LUZP2: variants seen among roughly 807,000 people sequenced by gnomAD.
LUZP2 encodes the protein leucine zipper protein 2.
LUZP2 carries 52 observed loss-of-function variants against 51.6 expected under a neutral mutation model. The ratio of observed to expected loss-of-function variants is 1.01; its 90% CI spans 0.81 to 1.27. The LOEUF (loss-of-function observed/expected upper bound fraction) is 1.27, where lower values mean the gene tolerates loss of function less well. Among genes scored for constraint, LUZP2 ranks in the 50% most tolerant of loss-of-function variants. LUZP2 has a pLI of 0.00. For synonymous variants in LUZP2, 154 were observed against 137.3 expected, an observed-to-expected ratio of 1.12 and a Z score of -0.85; for missense variants, 436 against 395.4, an observed-to-expected ratio of 1.10 and a Z score of -0.87.
intron 1 of LUZP2, among the ~76,000 whole-genome samples, chr11:24,595,905 T>C (rs1373713219): frequency 6.6e-6 from 1 of 152,216 alleles, no homozygotes; most frequent in Admixed American, 6.5e-5. Context: ...TGGAGTCAAT[T>C]TGATAAGTTT....
intron 1 of LUZP2, among the ~76,000 whole-genome samples, chr11:24,566,312 TG>T: frequency 8.4e-6 from 1 of 118,750 alleles, no homozygotes; most frequent in Admixed American, 1.0e-4. Context: ...ATTTATTTAT[TG>T]TATTATTTAT....
intron 5 of LUZP2, among the ~76,000 whole-genome samples, chr11:24,772,225 A>G (rs11028161): frequency 0.08 from 12,206 of 152,252 alleles, 1,061 homozygotes; most frequent in African/African-American, 0.22. Flanking sequence ...GATCTAGGGA[A>G]AACTCTAAAT....
At chr11:24,527,510 CAA>C (rs1271288823) in intron 1 of LUZP2, among the ~76,000 whole-genome samples, 1 of 150,520 alleles carries the variant, frequency 6.6e-6, no homozygotes, top group East Asian at 1.9e-4. Context: ...TTAATGCTAA[CAA>C]AAGTGTGAGA....
intron 1 of LUZP2, among the ~76,000 whole-genome samples, chr11:24,512,865 T>G (rs1054122123): frequency 1.3e-5 from 2 of 151,922 alleles, no homozygotes; most frequent in Non-Finnish European, 2.9e-5. Context: ...TTCTCCTGCC[T>G]CAGCCCCCCG....
intron 7 of LUZP2, among the ~76,000 whole-genome samples, chr11:24,917,419 T>A (rs1727280568): frequency 6.6e-6 from 1 of 152,200 alleles, no homozygotes; most frequent in Non-Finnish European, 1.5e-5. Flanking sequence ...CATGCCTATG[T>A]CCTGAATGGT....
chr11:24,637,727 G>T (rs1276098422), intron 1 of LUZP2, among the ~76,000 whole-genome samples: 1 of 151,828 alleles, frequency 6.6e-6, no homozygotes, highest in Non-Finnish European at 1.5e-5. Context: ...TTCCAGCCTG[G>T]TGAATTCTAG....
intron 1 of LUZP2, among the ~76,000 whole-genome samples, chr11:24,662,946 A>G (rs892318193): frequency 2.0e-5 from 3 of 152,086 alleles, no homozygotes; most frequent in Non-Finnish European, 4.4e-5. Flanking sequence ...CAAAAAATTC[A>G]TTAAAATGAT....
chr11:24,959,352 G>A (rs952513950), intron 7 of LUZP2, among the ~76,000 whole-genome samples: 1 of 152,044 alleles, frequency 6.6e-6, no homozygotes, highest in Non-Finnish European at 1.5e-5. Context: ...GGGCAGTATG[G>A]CCATTTTCAT....
chr11:24,972,170 G>A (rs1035368538), intron 7 of LUZP2, among the ~76,000 whole-genome samples: 1 of 135,764 alleles, frequency 7.4e-6, no homozygotes, highest in Non-Finnish European at 1.6e-5. Flanking sequence ...AAACACTTGG[G>A]CATGAATGAC....
intron 9 of LUZP2, among the ~76,000 whole-genome samples, chr11:25,011,630 T>A (rs1441742420): frequency 6.6e-6 from 1 of 152,130 alleles, no homozygotes; most frequent in African/African-American, 2.4e-5. Flanking sequence ...TGCCTTTTTA[T>A]GGATGGTGGT....
intron 5 of LUZP2, among the ~76,000 whole-genome samples, chr11:24,824,646 A>T (rs1850470963): frequency 6.6e-6 from 1 of 151,886 alleles, no homozygotes; most frequent in African/African-American, 2.4e-5. Flanking sequence ...AAAATTGAAT[A>T]AATTACAAAT....
At chr11:24,766,260 T>G (rs1860186079) in intron 5 of LUZP2, among the ~76,000 whole-genome samples, 1 of 152,176 alleles carries the variant, frequency 6.6e-6, no homozygotes, top group African/African-American at 2.4e-5. Context: ...AAGTCAAATC[T>G]ATTCCGCAAC....
At chr11:24,757,859 A>C (rs1859832575) in intron 4 of LUZP2, among the ~76,000 whole-genome samples, 1 of 152,082 alleles carries the variant, frequency 6.6e-6, no homozygotes, top group South Asian at 2.1e-4. Context: ...ATAAAATTCC[A>C]AAATTTCTGC....
At chr11:24,577,578 G>T (rs867634423) in intron 1 of LUZP2, among the ~76,000 whole-genome samples, 2 of 151,790 alleles carry the variant, frequency 1.3e-5, no homozygotes, top group African/African-American at 2.4e-5. Context: ...TGTTTACTTT[G>T]TTCTGTCAGA....
chr11:25,058,955 G>T (rs1858761207), intron 10 of LUZP2, among the ~76,000 whole-genome samples: 1 of 151,984 alleles, frequency 6.6e-6, no homozygotes, highest in African/African-American at 2.4e-5. Flanking sequence ...AAAAACTATT[G>T]GTGTTTCTAA....
chr11:24,589,266 C>T (rs1853179006), intron 1 of LUZP2, among the ~76,000 whole-genome samples: 1 of 152,082 alleles, frequency 6.6e-6, no homozygotes, highest in South Asian at 2.1e-4. Flanking sequence ...CCTCCAGTGA[C>T]CTATCACAAA....
At chr11:24,739,574 T>C (rs1354478731) in intron 4 of LUZP2, among the ~76,000 whole-genome samples, 2 of 152,048 alleles carry the variant, frequency 1.3e-5, no homozygotes, top group Non-Finnish European at 2.9e-5. Flanking sequence ...AAGCATCAGA[T>C]TTACAGAAGC....
intron 7 of LUZP2, among the ~76,000 whole-genome samples, chr11:24,963,599 GT>G (rs140662057): frequency 0.37 from 56,453 of 151,904 alleles, 12,667 homozygotes; most frequent in East Asian, 0.7. Context: ...CTGGTGCGCC[GT>G]TTTTTAAGCC....
chr11:24,606,867 C>T (rs1452149165), intron 1 of LUZP2, among the ~76,000 whole-genome samples: 7 of 151,868 alleles, frequency 4.6e-5, no homozygotes, highest in Admixed American at 4.6e-4. Flanking sequence ...ATCTCATTGA[C>T]GTTTTGTTTT....
Sources: allele counts gnomAD v4.1 joint callset (sites outside exome capture counted in the v4.1 genomes callset), GRCh38; gene constraint gnomAD v4.1.1; transcripts MANE v1.5; gene names NCBI Gene and HGNC (gene_info 2026-07-23, HGNC 2026-07-21).